GRIK5: variants seen among roughly 807,000 people sequenced by gnomAD.
The protein encoded by GRIK5 is glutamate receptor ionotropic, kainate 5.
GRIK5 carries 43 observed loss-of-function variants against 97.4 expected under a neutral mutation model. That is an observed-to-expected ratio of 0.44 (90% confidence interval 0.35 to 0.57). The LOEUF (loss-of-function observed/expected upper bound fraction) is 0.57. GRIK5 is among the 20% of genes least tolerant of loss of function. GRIK5 has a pLI of 0.01. For synonymous variants in GRIK5, 580 were observed against 583.5 expected, an observed-to-expected ratio of 0.99 and a Z score of 0.09; for missense variants, 1,015 against 1,382.0, an observed-to-expected ratio of 0.73 and a Z score of 4.21.
At chr19:42,066,669 G>A (rs2076337133) in intron 1 of GRIK5, among the ~76,000 whole-genome samples, 1 of 151,972 alleles carries the variant, frequency 6.6e-6, no homozygotes, top group Admixed American at 6.6e-5. Flanking sequence ...GGGAGGCAGG[G>A]AGAGGACTAG....
At chr19:42,001,359 G>C (rs1208107075) in intron 19 of GRIK5, among the ~76,000 whole-genome samples, 1 of 152,178 alleles carries the variant, frequency 6.6e-6, no homozygotes, top group Non-Finnish European at 1.5e-5. Flanking sequence ...CTCCTGAGTA[G>C]TTGGGACTAC....
At position 41,998,642 on chromosome 19, in the gene GRIK5, C is replaced by G. The variant is rs1182767187; in HGVS notation, c.*229G>C. 1.6e-5 allele frequency: 3 copies of G among 186,034 alleles called. No homozygotes were observed. The highest frequency in any genetic ancestry group is 3.3e-5 in the Non-Finnish European group (3 of 91,546). 11.5% of individuals were successfully genotyped at this position (186,034 alleles called of 1,614,324 possible). On this transcript the variant is annotated 3_prime_UTR_variant, in exon 20 of 20. Transcript: ENST00000593562. ...TCCCCAGCCCCTGGAGTCCTCGGTTCCTGCGCCCTTCTCGCCCGCGGCACC... is the reference window on the plus strand; with the variant it reads ...TCCCCAGCCCCTGGAGTCCTCGGTTGCTGCGCCCTTCTCGCCCGCGGCACC...
chr19:42,065,171 G>A lies in GRIK5; in HGVS notation c.244+52C>T, dbSNP rs1327283720. On this transcript the variant is annotated intron_variant, in intron 3 of 19. Transcript: ENST00000593562. The surrounding 1 kb of genome is among the most constrained non-coding windows in gnomAD (Gnocchi z 5.8). ...GAGGCCAGGGGCAGAGGGATGGACT[G>A]AGGGCCACCGACCTGCCCTGCCTCA... The A allele has an allele frequency of 4.6e-6, 7 of 1,520,592 alleles. No homozygotes were observed. In the African/African-American group the frequency reaches 5.5e-5, roughly 12 times the overall value. 94.2% of individuals were successfully genotyped at this position (1,520,592 alleles called of 1,614,324 possible).
In GRIK5 at chr19:42,021,902, C is replaced by G. The variant is rs111502544; in HGVS notation, c.1697+45G>C. On this transcript the variant is annotated intron_variant, in intron 14 of 19. Transcript: ENST00000593562. This position sits in a 1 kb window ranked among gnomAD's most constrained non-coding sequence, Gnocchi z 4.2. ...CAGGTCGGTCCCAGAGGCCTCGGCT[C>G]GTGCCTCCTCCAGCCCCTTCCTTCC... 30 of 1,352,248 alleles carry G rather than the reference C, an allele frequency of 2.2e-5. No individual in the cohort carries two copies. The highest frequency in any genetic ancestry group is 2.9e-5 in the Non-Finnish European group (28 of 957,284). 83.8% of individuals were successfully genotyped at this position (1,352,248 alleles called of 1,614,324 possible).
rs776699179 is a variant in GRIK5 at position 42,065,401 on chromosome 19, T to G, written c.80-14A>C. 7 of 1,569,506 alleles carry G rather than the reference T, an allele frequency of 4.5e-6. No individual in the cohort carries two copies. Among genetic ancestry groups the G allele is most frequent in the Middle Eastern group, 1.7e-4 (1 of 5,900 alleles). On this transcript the variant is annotated splice_polypyrimidine_tract_variant and intron_variant, in intron 2 of 19. Coordinates refer to ENST00000593562, the MANE Select transcript of GRIK5 (RefSeq NM_002088.5). The surrounding 1 kb of genome is among the most constrained non-coding windows in gnomAD (Gnocchi z 5.8). Reference sequence around the variant, plus strand: ...CCAGGATTGCAGCTGAGGGGACACATGGGTTGGGGACCAGACTCCTGAGTC... The same window carrying G: ...CCAGGATTGCAGCTGAGGGGACACAGGGGTTGGGGACCAGACTCCTGAGTC...
rs2075497951 is a variant in GRIK5 at position 42,006,866 on chromosome 19, C to T, written c.1872-56G>A. On this transcript the variant is annotated intron_variant, in intron 15 of 19. Coordinates refer to ENST00000593562, the MANE Select transcript of GRIK5 (RefSeq NM_002088.5). This position sits in a 1 kb window ranked among gnomAD's most constrained non-coding sequence, Gnocchi z 5.3. ...GGAGTCACCCCTGCTGACCTGCCCC[C>T]GTGGCCATGCCCCCCATTGGTGGTG... 3.7e-6 allele frequency: 5 copies of T among 1,367,000 alleles called. No individual in the cohort carries two copies. The highest frequency in any genetic ancestry group is 2.4e-5 in the East Asian group (1 of 42,196). 84.7% of individuals were successfully genotyped at this position (1,367,000 alleles called of 1,614,324 possible).
Position 41,999,040 on chromosome 19 carries a change from G to A in GRIK5, c.2774C>T (p.Thr925Ile). The A allele has an allele frequency of 1.6e-6, 2 of 1,239,134 alleles. No individual in the cohort carries two copies. Among genetic ancestry groups the A allele is most frequent in the Non-Finnish European group, 2.0e-6 (2 of 992,834 alleles). The allele number at this position is 1,239,134 out of a possible 1,614,324, so 76.8% of individuals were successfully genotyped here. The change falls in exon 20 of 20, where the codon ACC (threonine) becomes ATC (isoleucine). Residue 925 changes from threonine (T) to isoleucine (I), a missense_variant. Coordinates refer to ENST00000593562, the MANE Select transcript of GRIK5 (RefSeq NM_002088.5). This position sits in a 1 kb window ranked among gnomAD's most constrained non-coding sequence, Gnocchi z 5.0. ...PPSGARPAAP[T>I]PCTHVRVCQE... ...GCAGACGCGCACGTGGGTGCAGGGGGTGGGGGCGGCGGGTCGGGCTCCGCT... is the reference window on the plus strand; with the variant it reads ...GCAGACGCGCACGTGGGTGCAGGGGATGGGGGCGGCGGGTCGGGCTCCGCT...
rs1229389587 is a variant in GRIK5, at chr19:42,022,248, A to G, written c.1580T>C (p.Val527Ala). The change falls in exon 13 of 20, where the codon GTG becomes GCG. Residue 527 changes from valine to alanine, a missense_variant. This residue lies in a region of GRIK5 where 477 missense variants were observed against 701.1 expected (regional missense o/e 0.68). Coordinates refer to ENST00000593562, the MANE Select transcript of GRIK5 (RefSeq NM_002088.5). The surrounding 1 kb of genome is among the most constrained non-coding windows in gnomAD (Gnocchi z 4.2). ...TCTCCAGGGGAACCATACCATGTGC[A>G]CTCGGTAGAGGATGCTGATCCCCAG... The part of the protein sequence containing the change: ...MTLGISILYR[V>A]HMGRKPGYFS... 2 of 1,609,412 alleles carry G rather than the reference A, an allele frequency of 1.2e-6. No individual in the cohort carries two copies. The highest frequency in any genetic ancestry group is 1.7e-5 in the Admixed American group (1 of 60,004).
intron 1 of GRIK5, among the ~76,000 whole-genome samples, chr19:42,066,052 T>C (rs2146189768): frequency 6.6e-6 from 1 of 152,160 alleles, no homozygotes; most frequent in South Asian, 2.1e-4. Flanking sequence ...GCTCAGGCGC[T>C]GAGTAGGACA....
chr19:42,051,744 G>A (rs1166236637), intron 11 of GRIK5, among the ~76,000 whole-genome samples: 1 of 152,198 alleles, frequency 6.6e-6, no homozygotes, highest in Admixed American at 6.5e-5. Flanking sequence ...GGCAATACCA[G>A]CGAATGAACA....
chr19:42,042,505 T>C lies in GRIK5; in HGVS notation c.1473+47A>G. 6.6e-7 allele frequency: 1 copy of C among 1,522,752 alleles called. No individual in the cohort carries two copies. The highest frequency in any genetic ancestry group is 9.0e-7 in the Non-Finnish European group (1 of 1,116,926). The allele number at this position is 1,522,752 out of a possible 1,614,324, so 94.3% of individuals were successfully genotyped here. ...TGGCTGCCCAGCTGCCCGCCCTCCC[T>C]CACTCGCCGGGTCCATGCATCTTTC... is the stretch of plus-strand genomic sequence containing the variant. On this transcript the variant is annotated intron_variant, in intron 12 of 19. Coordinates refer to ENST00000593562, the MANE Select transcript of GRIK5 (RefSeq NM_002088.5). The surrounding 1 kb of genome is among the most constrained non-coding windows in gnomAD (Gnocchi z 6.9).
At position 42,062,687 on chromosome 19, in the gene GRIK5, C is replaced by A. The variant is rs1164196760; in HGVS notation, c.343-34G>T. 7 of 1,613,682 alleles carry A rather than the reference C, an allele frequency of 4.3e-6. No individual in the cohort carries two copies. The South Asian group carries it at 6.6e-5, about 15-fold the overall frequency. ...AGAGGAAACTTTGGCCTCCATCCTG[C>A]TTCTCCGCCCAGCCCTCGCCTCCCA... On this transcript the variant is annotated intron_variant, in intron 4 of 19. Transcript: ENST00000593562. This position sits in a 1 kb window ranked among gnomAD's most constrained non-coding sequence, Gnocchi z 5.3.
In GRIK5 at chr19:42,002,067, C is replaced by A. The variant is rs1348143275; in HGVS notation, c.2514+1265G>T. The A allele has an allele frequency of 4.4e-6, 3 of 682,112 alleles. No homozygotes were observed. In the African/African-American group the frequency reaches 5.3e-5, roughly 12 times the overall value. The allele number at this position is 682,112 out of a possible 1,614,324, so 42.3% of individuals were successfully genotyped here. A position where few individuals can be genotyped will look rare whatever the true frequency, so the allele number is the denominator to read the frequency against. ...TGAGGATTGAGAGTGACTGGCTGTG[C>A]CGAAGCCCACTGCTACCTCATATAC... On this transcript the variant is annotated intron_variant, in intron 19 of 19. Coordinates refer to ENST00000593562, the MANE Select transcript of GRIK5 (RefSeq NM_002088.5). This position sits in a 1 kb window ranked among gnomAD's most constrained non-coding sequence, Gnocchi z 5.2.
chr19:42,059,780 G>A (rs1266144661), intron 5 of GRIK5, among the ~76,000 whole-genome samples: 1 of 152,060 alleles, frequency 6.6e-6, no homozygotes, highest in African/African-American at 2.4e-5. Flanking sequence ...CCCTCATTGG[G>A]TGTCTTGACA....
rs1350641951 is a variant in GRIK5, at chr19:42,062,691, T to C, written c.343-38A>G. ...GAAACTTTGGCCTCCATCCTGCTTCTCCGCCCAGCCCTCGCCTCCCAGGGA... is the reference window on the plus strand; with the variant it reads ...GAAACTTTGGCCTCCATCCTGCTTCCCCGCCCAGCCCTCGCCTCCCAGGGA... On this transcript the variant is annotated intron_variant, in intron 4 of 19. Transcript: ENST00000593562. This position sits in a 1 kb window ranked among gnomAD's most constrained non-coding sequence, Gnocchi z 5.3. 3.7e-6 allele frequency: 6 copies of C among 1,613,534 alleles called. No homozygotes were observed. Among genetic ancestry groups the C allele is most frequent in the Admixed American group, 3.3e-5 (2 of 60,016 alleles).
chr19:42,043,524 C>T (rs1036039115), intron 11 of GRIK5, among the ~76,000 whole-genome samples: 37 of 151,596 alleles, frequency 2.4e-4, no homozygotes, highest in African/African-American at 9.0e-4. Context: ...TCCTGCCTCA[C>T]CCCCGCCAAG....
chr19:42,041,679 C>A (rs777686620), intron 12 of GRIK5, among the ~76,000 whole-genome samples: 67 of 152,170 alleles, frequency 4.4e-4, no homozygotes, highest in Admixed American at 1.2e-3. Context: ...ATTCTGCCCA[C>A]GCTCAGGCCC....
intron 11 of GRIK5, among the ~76,000 whole-genome samples, chr19:42,051,279 A>G (rs2076113293): frequency 6.6e-6 from 1 of 151,954 alleles, no homozygotes; most frequent in African/African-American, 2.4e-5. Flanking sequence ...GCCTCTCTCT[A>G]TCTCAGCGCC....
At chr19:42,010,726 A>AG (rs2075551432) in intron 15 of GRIK5, among the ~76,000 whole-genome samples, 2 of 152,254 alleles carry the variant, frequency 1.3e-5, no homozygotes, top group Admixed American at 1.3e-4. Context: ...ATGTACCAGA[A>AG]GGGGTGAAGG....
Sources: gnomAD v4.1 joint callset for allele counts (sites outside exome capture counted in the v4.1 genomes callset) on GRCh38, gnomAD v4.1.1 for gene constraint, gnomAD v4.1.1 regional missense constraint, Gnocchi (gnomAD v3.1) non-coding constraint, MANE v1.5 for transcripts, NCBI Gene and HGNC (gene_info 2026-07-23, HGNC 2026-07-21) for gene names.